MEP1A: variants seen among roughly 807,000 people sequenced by gnomAD.
MEP1A encodes meprin A subunit alpha.
MEP1A carries 68 observed loss-of-function variants against 84.5 expected under a neutral mutation model. The observed-to-expected ratio is 0.80, with a 90% CI of 0.66 to 0.98. MEP1A has a LOEUF of 0.98. Ranked by LOEUF, MEP1A falls within the 50% of genes least tolerant of loss-of-function variation. MEP1A has a pLI of 0.00. For synonymous variants in MEP1A, 337 were observed against 336.8 expected (o/e 1.00, Z -0.01); for missense variants, 887 against 919.9 (o/e 0.96, Z 0.46).
intron 6 of MEP1A, among the ~76,000 whole-genome samples, chr6:46,810,736 C>A (rs1213165341): frequency 6.6e-6 from 1 of 151,902 alleles, no homozygotes; most frequent in Non-Finnish European, 1.5e-5. Context: ...CATTTCCCCA[C>A]TTTATGTTTT....
intron 10 of MEP1A, among the ~76,000 whole-genome samples, chr6:46,832,289 G>C (rs1043821197): frequency 2.0e-5 from 3 of 152,056 alleles, no homozygotes; most frequent in African/African-American, 7.2e-5. Context: ...CTTTGCTTTC[G>C]CAGTTTCCTC....
At position 46,825,478 on chromosome 6, in the gene MEP1A, C is replaced by T. The variant is rs368922958; in HGVS notation, c.763C>T (p.Arg255Ter). 30 of 1,610,752 alleles carry T rather than the reference C, an allele frequency of 1.9e-5. No homozygotes were observed. In the Admixed American group the frequency reaches 2.5e-4, roughly 13 times the overall value. The change falls in exon 8 of 14, where the codon CGA becomes TGA. Residue 255 changes from arginine to a stop codon, truncating the protein, a stop_gained. Transcript: ENST00000230588. LOFTEE classifies it high-confidence loss of function. Reference protein sequence around the residue: ...FSAIDLERLNRMYNCTTTHTL... With the variant: ...FSAIDLERLN ...TGCCATTGATTTAGAGAGGCTGAACCGAATGTACAATTGCAGTGAGTATCT... is the reference window on the plus strand; with the variant it reads ...TGCCATTGATTTAGAGAGGCTGAACTGAATGTACAATTGCAGTGAGTATCT...
Position 46,835,334 on chromosome 6 carries a change from G to A in MEP1A, c.1869G>A (p.Gln623=). 7.5e-6 allele frequency: 12 copies of A among 1,609,410 alleles called. No homozygotes were observed. The highest frequency in any genetic ancestry group is 2.2e-5 in the East Asian group (1 of 44,770). Residue 623 remains glutamine (Q), a synonymous_variant, in exon 13 of 14, where the codon CAG becomes CAA. Coordinates refer to ENST00000230588, the MANE Select transcript of MEP1A (RefSeq NM_005588.3). ...PQGLILQGQE[Q]QVSEEGSGKA... ...GCCTCATTCTCCAAGGCCAGGAGCAGCAGGTCTCCGAAGAAGGTTCGGGAA... is the reference window on the plus strand; with the variant it reads ...GCCTCATTCTCCAAGGCCAGGAGCAACAGGTCTCCGAAGAAGGTTCGGGAA...
At chr6:46,818,004 G>A (rs759935147) in intron 6 of MEP1A, among the ~76,000 whole-genome samples, 1 of 152,192 alleles carries the variant, frequency 6.6e-6, no homozygotes, top group African/African-American at 2.4e-5. Flanking sequence ...GAGGTGGAAT[G>A]TATGGTATTT....
intron 5 of MEP1A, among the ~76,000 whole-genome samples, chr6:46,804,350 C>T (rs1288021685): frequency 1.3e-5 from 2 of 151,556 alleles, no homozygotes; most frequent in African/African-American, 4.8e-5. Flanking sequence ...AATACATTGT[C>T]TTTTTGTTTT....
chr6:46,797,794 CTTTCTTTCTTTCTT>C (rs1163617991), intron 3 of MEP1A, among the ~76,000 whole-genome samples: 49 of 13,180 alleles, frequency 3.7e-3, no homozygotes, highest in African/African-American at 0.021. Flanking sequence ...CTTTCTTTCT[CTTTCTTTCTTTCTT>C]TCTTTCTTTC....
chr6:46,823,069 T>C (rs1767820241), intron 7 of MEP1A, among the ~76,000 whole-genome samples: 2 of 152,186 alleles, frequency 1.3e-5, no homozygotes, highest in African/African-American at 4.8e-5. Flanking sequence ...CCTTCAAAAA[T>C]GCTTTGATCC....
At chr6:46,819,394 G>T in intron 6 of MEP1A, 135 bp from the exon 7 acceptor site, 2 of 679,960 alleles carry the variant, frequency 2.9e-6, no homozygotes, top group East Asian at 5.4e-5. Context: ...TGGACCATTA[G>T]CATATGAGAA....
intron 13 of MEP1A, among the ~76,000 whole-genome samples, chr6:46,836,130 T>C (rs866713974): frequency 1.1e-4 from 17 of 152,214 alleles, no homozygotes; most frequent in African/African-American, 3.9e-4. Flanking sequence ...TATCCCCGTT[T>C]AGTGTGTCAA....
intron 11 of MEP1A, 84 bp from the exon 12 acceptor site, chr6:46,834,494 A>C (rs1768164769): frequency 2.2e-6 from 1 of 456,560 alleles, no homozygotes; most frequent in Non-Finnish European, 3.8e-6. Flanking sequence ...TCTGATTCAC[A>C]AAGCCCTGTA....
rs563430269 is a variant in MEP1A, at chr6:46,807,791, G to A, written c.263-1629G>A. 8.1e-4 allele frequency among the ~76,000 whole-genome samples: 109 copies of A among 134,562 alleles called. 2 individuals are homozygous for A. The highest frequency in any genetic ancestry group is 2.9e-3 in the African/African-American group (107 of 36,854). 88.3% of individuals were successfully genotyped at this position (134,562 alleles called of 152,430 possible). A position where few individuals can be genotyped will look rare whatever the true frequency, so the allele number is the denominator to read the frequency against. On this transcript the variant is annotated intron_variant, in intron 5 of 13. Coordinates refer to ENST00000230588, the MANE Select transcript of MEP1A (RefSeq NM_005588.3). Reference sequence around the variant, plus strand: ...GAAAGGAAAGAAAGAAAGAAAGAAAGAAAGAAAGAAAGAAAGAAAGAAAGA... The same window carrying A: ...GAAAGGAAAGAAAGAAAGAAAGAAAAAAAGAAAGAAAGAAAGAAAGAAAGA...
At chr6:46,803,459 T>A (rs1374265494) in intron 5 of MEP1A, among the ~76,000 whole-genome samples, 2 of 151,584 alleles carry the variant, frequency 1.3e-5, no homozygotes, top group Non-Finnish European at 3.0e-5. Flanking sequence ...ATATTGGCAA[T>A]TTGTGTTTTC....
chr6:46,811,446 A>G (rs1767495531), intron 6 of MEP1A, among the ~76,000 whole-genome samples: 1 of 151,932 alleles, frequency 6.6e-6, no homozygotes, highest in Non-Finnish European at 1.5e-5. Context: ...CTGTTTACTG[A>G]TTTGGATGCC....
At chr6:46,845,493 G>A in the MEP1A span, among the ~76,000 whole-genome samples, 1 of 152,174 alleles carries the variant, frequency 6.6e-6, no homozygotes, top group Non-Finnish European at 1.5e-5. Flanking sequence ...TTGAACGTCT[G>A]GTACTCACAG....
At chr6:46,833,856 A>G (rs1409299098) in intron 11 of MEP1A, among the ~76,000 whole-genome samples, 1 of 152,128 alleles carries the variant, frequency 6.6e-6, no homozygotes, top group Non-Finnish European at 1.5e-5. Context: ...ACTGCTAATC[A>G]TTTATCAAAT....
At chr6:46,830,464 T>A (rs539062131) in intron 10 of MEP1A, among the ~76,000 whole-genome samples, 1 of 152,242 alleles carries the variant, frequency 6.6e-6, no homozygotes, top group East Asian at 1.9e-4. Context: ...AAGGTCAGCA[T>A]GTAAATGATT....
intron 3 of MEP1A, 90 bp downstream of exon 3, chr6:46,793,806 T>C (rs1766988354): frequency 1.1e-6 from 1 of 887,244 alleles, no homozygotes; most frequent in African/African-American, 1.7e-5. Flanking sequence ...AATACTGTAT[T>C]GTGATTCTCT....
chr6:46,834,111 T>C (rs1768144339), intron 11 of MEP1A, among the ~76,000 whole-genome samples: 1 of 151,932 alleles, frequency 6.6e-6, no homozygotes, highest in African/African-American at 2.4e-5. Flanking sequence ...CGAGTAGAGA[T>C]GGGGTTTCAC....
chr6:46,796,920 T>C (rs1767060578), intron 3 of MEP1A, among the ~76,000 whole-genome samples: 1 of 152,230 alleles, frequency 6.6e-6, no homozygotes, highest in Admixed American at 6.5e-5. Context: ...TAAAAGATGA[T>C]TCAAATCTGG....
Sources: allele counts gnomAD v4.1 joint callset (sites outside exome capture counted in the v4.1 genomes callset), GRCh38; gene constraint gnomAD v4.1.1; transcripts MANE v1.5; gene names NCBI Gene and HGNC (gene_info 2026-07-23, HGNC 2026-07-21).